PLCB4: variants seen among roughly 807,000 people sequenced by gnomAD.
The protein encoded by PLCB4 is 1-phosphatidylinositol 4,5-bisphosphate phosphodiesterase beta-4.
A neutral mutation model predicts 178.8 loss-of-function variants in PLCB4; 77 were observed. The observed-to-expected ratio is 0.43, with a 90% CI of 0.36 to 0.52. PLCB4 has a LOEUF of 0.52. PLCB4 is among the 20% of genes least tolerant of loss of function. PLCB4 has a pLI of 0.00. For synonymous variants in PLCB4, 496 were observed against 490.8 expected (o/e 1.01, Z -0.14); for missense variants, 1,024 against 1,453.4 (o/e 0.70, Z 4.80).
At chr20:9,139,600 T>G (rs1426064410) in intron 2 of PLCB4, among the ~76,000 whole-genome samples, 1 of 152,112 alleles carries the variant, frequency 6.6e-6, no homozygotes, top group Admixed American at 6.6e-5. Flanking sequence ...TCAGAAGTCC[T>G]GGGTGACCAC....
At chr20:9,165,847 T>C (rs754445509) in intron 2 of PLCB4, among the ~76,000 whole-genome samples, 74 of 149,692 alleles carry the variant, frequency 4.9e-4, no homozygotes, top group Admixed American at 7.9e-4. Flanking sequence ...CCATGTTAAT[T>C]TGATGTAGAA....
chr20:9,391,325 C>CCATG, intron 17 of PLCB4, among the ~76,000 whole-genome samples: 1 of 152,074 alleles, frequency 6.6e-6, no homozygotes, highest in East Asian at 1.9e-4. Flanking sequence ...TTATAAGGAT[C>CCATG]CATGACCTCC....
intron 3 of PLCB4, among the ~76,000 whole-genome samples, chr20:9,286,913 A>C (rs555027737): frequency 1.1e-4 from 17 of 152,002 alleles, no homozygotes; most frequent in Admixed American, 2.6e-4. Context: ...CTGTGAGCCA[A>C]ACAACTTCTT....
intron 13 of PLCB4, 51 bp from the exon 14 acceptor site, chr20:9,384,150 A>C: frequency 7.7e-7 from 1 of 1,302,502 alleles, no homozygotes; most frequent in Non-Finnish European, 1.1e-6. Flanking sequence ...AAAACATGAG[A>C]TATGCATCTT....
intron 4 of PLCB4, among the ~76,000 whole-genome samples, chr20:9,327,064 T>G (rs2030717023): frequency 6.6e-6 from 1 of 152,152 alleles, no homozygotes; most frequent in South Asian, 2.1e-4. Context: ...ATGGTGGTGT[T>G]TACCTCATTT....
At chr20:9,223,832 A>G (rs2093829904) in intron 3 of PLCB4, among the ~76,000 whole-genome samples, 1 of 152,168 alleles carries the variant, frequency 6.6e-6, no homozygotes, top group Admixed American at 6.5e-5. Flanking sequence ...ACTGAATTTT[A>G]TATATGTTAC....
chr20:9,219,145 A>G (rs756970208), intron 3 of PLCB4, among the ~76,000 whole-genome samples: 1 of 152,226 alleles, frequency 6.6e-6, no homozygotes, highest in Non-Finnish European at 1.5e-5. Context: ...ATTCCTCTAC[A>G]TTAAGGAGTG....
At chr20:9,109,257 T>G (rs928887549) in intron 2 of PLCB4, among the ~76,000 whole-genome samples, 1 of 152,148 alleles carries the variant, frequency 6.6e-6, no homozygotes, top group Non-Finnish European at 1.5e-5. Flanking sequence ...CTTTAGGCAG[T>G]TGATTTGATT....
At chr20:9,081,598 C>T (rs1456502685) in intron 1 of PLCB4, among the ~76,000 whole-genome samples, 5 of 152,062 alleles carry the variant, frequency 3.3e-5, no homozygotes, top group African/African-American at 1.2e-4. Context: ...CTTTAGTCCT[C>T]CTGTTGAACA....
intron 3 of PLCB4, among the ~76,000 whole-genome samples, chr20:9,298,419 G>A (rs1332237509): frequency 6.6e-6 from 1 of 152,046 alleles, no homozygotes; most frequent in African/African-American, 2.4e-5. Context: ...TGTGATGGAT[G>A]AGGAAAGATA....
chr20:9,115,899 A>G (rs1396062509), intron 2 of PLCB4, among the ~76,000 whole-genome samples: 2 of 151,914 alleles, frequency 1.3e-5, no homozygotes, highest in Non-Finnish European at 2.9e-5. Context: ...TCAAATTTGT[A>G]ATATGCTTTA....
At chr20:9,099,056 C>A (rs1368419399) in intron 2 of PLCB4, among the ~76,000 whole-genome samples, 2 of 151,612 alleles carry the variant, frequency 1.3e-5, no homozygotes, top group African/African-American at 4.8e-5. Context: ...AATGTATTTT[C>A]TTAATCAATA....
chr20:9,478,876 G>T, intron 39 of PLCB4, 45 bp from the exon 40 acceptor site: 1 of 1,448,874 alleles, frequency 6.9e-7, no homozygotes, highest in Non-Finnish European at 9.7e-7. Flanking sequence ...AGTGCCTTCA[G>T]ATAAGGATTT....
chr20:9,440,544 T>C (rs968675984), intron 30 of PLCB4, among the ~76,000 whole-genome samples: 2 of 152,160 alleles, frequency 1.3e-5, no homozygotes, highest in African/African-American at 4.8e-5. Flanking sequence ...GTATGTCAGG[T>C]TCCTTGATGA....
At chr20:9,387,327 T>A (rs2037763518) in intron 14 of PLCB4, 136 bp from the exon 15 acceptor site, 1 of 552,776 alleles carries the variant, frequency 1.8e-6, no homozygotes, top group African/African-American at 1.9e-5. Context: ...GTATATGCCA[T>A]GAAATAATCA....
intron 34 of PLCB4, among the ~76,000 whole-genome samples, chr20:9,457,781 A>G (rs1350762455): frequency 6.6e-6 from 1 of 152,254 alleles, no homozygotes; most frequent in African/African-American, 2.4e-5. Flanking sequence ...GAAGATACTA[A>G]AAGGAAATAT....
At chr20:9,454,979 T>G (rs186565308) in intron 33 of PLCB4, among the ~76,000 whole-genome samples, 1 of 152,330 alleles carries the variant, frequency 6.6e-6, no homozygotes. Flanking sequence ...GTATTTTAAG[T>G]GAGTAAGTGA....
chr20:9,381,227 G>T (rs17481387), intron 13 of PLCB4, among the ~76,000 whole-genome samples: 7,601 of 152,238 alleles, frequency 0.05, 268 homozygotes, highest in Non-Finnish European at 0.076. Flanking sequence ...GTACAGCTTG[G>T]TAGAAAATCT....
At chr20:9,242,170 C>T (rs1194547683) in intron 3 of PLCB4, among the ~76,000 whole-genome samples, 1 of 152,186 alleles carries the variant, frequency 6.6e-6, no homozygotes, top group Non-Finnish European at 1.5e-5. Flanking sequence ...GTCAAAGTTA[C>T]AGGACAAAGG....
Sources: allele counts gnomAD v4.1 joint callset (sites outside exome capture counted in the v4.1 genomes callset), GRCh38; gene constraint gnomAD v4.1.1; transcripts MANE v1.5; gene names NCBI Gene and HGNC (gene_info 2026-07-23, HGNC 2026-07-21).